The following PYROXD2 variants were observed in gnomAD, a reference collection of about 807,000 sequenced individuals.
The protein encoded by PYROXD2 is pyridine nucleotide-disulphide oxidoreductase domain 2, also known as pyridine nucleotide-disulfide oxidoreductase domain-containing protein 2.
PYROXD2 carries 69 observed loss-of-function variants against 71.1 expected under a neutral mutation model. The ratio of observed to expected loss-of-function variants is 0.97; its 90% CI spans 0.80 to 1.19. PYROXD2 has a LOEUF of 1.19. PYROXD2 is among the 50% of genes most tolerant of loss of function. The pLI is 0.00. For missense variants in PYROXD2, 745 were observed against 748.9 expected (o/e 0.99, Z 0.06); for synonymous variants, 287 against 302.7 (o/e 0.95, Z 0.54).
At chr10:98,388,291 C>G in intron 13 of PYROXD2, 63 bp downstream of exon 13, 3 of 1,545,042 alleles carry the variant, frequency 1.9e-6, no homozygotes, top group South Asian at 2.3e-5. Context: ...TGAGGAGGAG[C>G]AGGCCCAGTT....
In PYROXD2 at chr10:98,392,580, G is replaced by A. The variant is rs776745727; in HGVS notation, c.928-14C>T. On this transcript the variant is annotated splice_polypyrimidine_tract_variant and intron_variant, in intron 9 of 15. Coordinates refer to ENST00000370575, the MANE Select transcript of PYROXD2 (RefSeq NM_032709.3). ...CTTCGCCACTGTCTAGAGCCCACCA[G>A]AACAAGGCCCCAGAAACCGCAGGAA... The A allele has an allele frequency of 1.1e-5, 18 of 1,608,630 alleles. No homozygotes were observed. In the South Asian group the frequency reaches 1.8e-4, roughly 16 times the overall value.
At chr10:98,395,342 G>A (rs889269449) in intron 7 of PYROXD2, 49 bp from the exon 8 acceptor site, 20 of 1,612,576 alleles carry the variant, frequency 1.2e-5, no homozygotes, top group Non-Finnish European at 1.6e-5. Flanking sequence ...TGGATGGGAG[G>A]AGGGCCCTCT....
intron 8 of PYROXD2, among the ~76,000 whole-genome samples, chr10:98,394,267 G>C (rs1843062991): frequency 6.6e-6 from 1 of 152,150 alleles, no homozygotes; most frequent in Non-Finnish European, 1.5e-5. Flanking sequence ...AAGCCTCCCA[G>C]GGATCCGAAG....
intron 1 of PYROXD2, chr10:98,414,183 G>A (rs1292652161): frequency 6.6e-6 from 1 of 151,994 alleles, no homozygotes; most frequent in Non-Finnish European, 1.5e-5. Flanking sequence ...AACTGCTCTA[G>A]TACATATGAA....
At position 98,400,123 on chromosome 10, in the gene PYROXD2, C is replaced by T; in HGVS notation, c.450G>A (p.Gln150=). 4 of 1,613,656 alleles carry T rather than the reference C, an allele frequency of 2.5e-6. No individual in the cohort carries two copies. Among genetic ancestry groups the T allele is most frequent in the Non-Finnish European group, 3.4e-6 (4 of 1,179,774 alleles). The change falls in exon 5 of 16, where the codon CAG becomes CAA. Residue 150 remains glutamine (Q), a synonymous_variant. Transcript: ENST00000370575. ...CTACCTGGGCATCCTTCTGGGAGAA[C>T]TGGGCGATCTGCTTCTGGTTTTCTG... ...DMAENQKQIA[Q]FSQKDAQVFP...
chr10:98,389,914 G>T (rs1842890906), intron 12 of PYROXD2, among the ~76,000 whole-genome samples: 2 of 152,182 alleles, frequency 1.3e-5, no homozygotes, highest in African/African-American at 4.8e-5. Flanking sequence ...ATAAATGGAT[G>T]AATGAACTTT....
chr10:98,385,311 G>A (rs1021230123), intron 14 of PYROXD2, among the ~76,000 whole-genome samples: 2 of 152,344 alleles, frequency 1.3e-5, no homozygotes, highest in Middle Eastern at 3.4e-3. Flanking sequence ...AACTGAACGG[G>A]AAGGAAAAGA....
At chr10:98,408,109 C>T (rs1307749825) in intron 2 of PYROXD2, 112 bp from the exon 3 acceptor site, 4 of 906,650 alleles carry the variant, frequency 4.4e-6, no homozygotes, top group Non-Finnish European at 6.7e-6. Context: ...ATGGGCCACA[C>T]CCCATGGCCT....
chr10:98,399,984 G>A (rs1190004727), intron 5 of PYROXD2, 118 bp downstream of exon 5: 11 of 1,267,490 alleles, frequency 8.7e-6, no homozygotes, highest in South Asian at 8.7e-5. Context: ...TCCTAGGAAC[G>A]TGGGGTGGCC....
chr10:98,387,506 A>T (rs547215553), intron 13 of PYROXD2, among the ~76,000 whole-genome samples, 199 bp from the exon 14 acceptor site: 2 of 152,292 alleles, frequency 1.3e-5, no homozygotes, highest in African/African-American at 4.8e-5. Context: ...CCAAAGATGC[A>T]TGGGTAGGCC....
chr10:98,410,618 C>G (rs2136035073), intron 2 of PYROXD2: 2 of 403,742 alleles, frequency 5.0e-6, no homozygotes, highest in South Asian at 4.4e-5. Flanking sequence ...CCCACCTGCT[C>G]TCATGCTGTG....
At chr10:98,391,892 A>G (rs182234495) in intron 10 of PYROXD2, among the ~76,000 whole-genome samples, 306 of 152,244 alleles carry the variant, frequency 2.0e-3, no homozygotes, top group African/African-American at 6.4e-3. Flanking sequence ...TCCCAGGCAC[A>G]TGAAGGAGTC....
At chr10:98,399,595 T>A (rs1843318660) in intron 5 of PYROXD2, among the ~76,000 whole-genome samples, 1 of 152,218 alleles carries the variant, frequency 6.6e-6, no homozygotes, top group Non-Finnish European at 1.5e-5. Flanking sequence ...CTTTGTTGCC[T>A]TGGGCAGCCA....
chr10:98,402,211 T>A (rs1486091112), intron 4 of PYROXD2, among the ~76,000 whole-genome samples: 2 of 152,194 alleles, frequency 1.3e-5, no homozygotes, highest in African/African-American at 2.4e-5. Flanking sequence ...ATTATCCTCA[T>A]TGTACAAAAG....
At chr10:98,390,390 AG>A (rs1842906619) in intron 12 of PYROXD2, among the ~76,000 whole-genome samples, 1 of 151,860 alleles carries the variant, frequency 6.6e-6, no homozygotes, top group Non-Finnish European at 1.5e-5. Context: ...TGCTAACCTG[AG>A]CCGCTCTTCA....
chr10:98,407,595 T>G lies in PYROXD2; in HGVS notation c.302A>C (p.Asp101Ala). Residue 101 changes from aspartate to alanine, a missense_variant, in exon 4 of 16, where the codon GAT (aspartate) becomes GCT (alanine). Transcript: ENST00000370575. ...LSLLRPQIYTDLELKKHGLRL... is the reference protein window; with the variant it reads ...LSLLRPQIYTALELKKHGLRL... ...GGGGGGCCCTACCTTCAGCTCCAGA[T>G]CAGTGTAAATCTGCGGCCTCAGCAG... 1.2e-6 allele frequency: 2 copies of G among 1,613,770 alleles called. No homozygotes were observed. The highest frequency in any genetic ancestry group is 1.7e-6 in the Non-Finnish European group (2 of 1,179,950).
At chr10:98,396,482 A>G (rs1243761224) in intron 6 of PYROXD2, among the ~76,000 whole-genome samples, 1 of 151,508 alleles carries the variant, frequency 6.6e-6, no homozygotes, top group Admixed American at 6.6e-5. Context: ...TTTTTTTTCT[A>G]GGATATAGAG....
intron 8 of PYROXD2, among the ~76,000 whole-genome samples, chr10:98,394,590 T>C (rs1843087804): frequency 7.1e-6 from 1 of 141,630 alleles, no homozygotes; most frequent in Non-Finnish European, 1.5e-5. Context: ...AGCCTTCCAT[T>C]CCTGCTTCTG....
At chr10:98,397,218 C>T (rs1224205587) in intron 6 of PYROXD2, 127 bp downstream of exon 6, 2 of 1,291,814 alleles carry the variant, frequency 1.5e-6, no homozygotes, top group African/African-American at 3.0e-5. Context: ...TAATTGATCG[C>T]AGCATGTTAA....
Sources: allele counts gnomAD v4.1 joint callset (sites outside exome capture counted in the v4.1 genomes callset), GRCh38; gene constraint gnomAD v4.1.1; transcripts MANE v1.5; gene names NCBI Gene and HGNC (gene_info 2026-07-23, HGNC 2026-07-21).